Variants in DLG2 observed in about 807,000 individuals in gnomAD.
DLG2 encodes the protein disks large homolog 2.
In DLG2, 45 loss-of-function variants were observed where a neutral mutation model predicts 132.5. The observed-to-expected ratio is 0.34, with a 90% CI of 0.27 to 0.44. The LOEUF is 0.44. DLG2 is among the 20% of genes least tolerant of loss of function. The probability of loss-of-function intolerance (pLI) is 1.00; values close to 1 mark genes in which losing one functional copy is unlikely to be tolerated. For missense variants in DLG2, 1,045 were observed against 1,196.9 expected, an observed-to-expected ratio of 0.87 and a Z score of 1.87; for synonymous variants, 424 against 419.6, an observed-to-expected ratio of 1.01 and a Z score of -0.13.
At chr11:84,577,254 T>C (rs1012664389) in intron 6 of DLG2, among the ~76,000 whole-genome samples, 3 of 152,140 alleles carry the variant, frequency 2.0e-5, no homozygotes, top group African/African-American at 4.8e-5. Context: ...TATGGTAAAT[T>C]GGTAACAGAA....
intron 6 of DLG2, among the ~76,000 whole-genome samples, chr11:84,584,383 T>G (rs2099523974): frequency 6.6e-6 from 1 of 152,148 alleles, no homozygotes; most frequent in Middle Eastern, 3.4e-3. Flanking sequence ...ATTTTTATTT[T>G]TATTGACCTG....
At chr11:84,573,466 T>C (rs200296153) in intron 6 of DLG2, among the ~76,000 whole-genome samples, 1 of 152,148 alleles carries the variant, frequency 6.6e-6, no homozygotes, top group Non-Finnish European at 1.5e-5. Context: ...TTGCTTCTTA[T>C]TGAAATAAAT....
chr11:83,940,086 G>T (rs921303814), intron 14 of DLG2, among the ~76,000 whole-genome samples: 1 of 152,228 alleles, frequency 6.6e-6, no homozygotes, highest in Admixed American at 6.5e-5. Context: ...TGGTGGCCAT[G>T]AGGGAAGGAT....
At chr11:83,690,631 C>T (rs979805957) in intron 18 of DLG2, among the ~76,000 whole-genome samples, 2 of 120,136 alleles carry the variant, frequency 1.7e-5, no homozygotes, top group African/African-American at 6.5e-5. Context: ...ATCTGGACAC[C>T]ATATTATACC....
chr11:85,220,955 A>C lies in DLG2; in HGVS notation c.186+64265T>G, dbSNP rs189010776. 3.4e-4 allele frequency among the ~76,000 whole-genome samples: 52 copies of C among 152,184 alleles called. 2 individuals carry two copies. Among genetic ancestry groups the C allele is most frequent in the African/African-American group, 1.0e-3 (43 of 41,548 alleles). ...TCCCTAGTTCCCTTCAGTCTTGTCT[A>C]GATTTTCAGGATACAGTTAGTTTCT... On this transcript the variant is annotated intron_variant, in intron 4 of 27. Coordinates refer to ENST00000376104, the MANE Select transcript of DLG2 (RefSeq NM_001142699.3).
intron 5 of DLG2, among the ~76,000 whole-genome samples, chr11:85,115,018 G>A (rs543147923): frequency 2.0e-5 from 3 of 152,012 alleles, no homozygotes; most frequent in African/African-American, 7.2e-5. Context: ...TGAAAGCAGA[G>A]TAAGAGCTGA....
intron 6 of DLG2, among the ~76,000 whole-genome samples, chr11:84,845,682 C>CTTTTT (rs11411513): frequency 7.2e-6 from 1 of 138,834 alleles, no homozygotes. Flanking sequence ...GATCGTCACT[C>CTTTTT]TTTTTTTTTT....
intron 6 of DLG2, among the ~76,000 whole-genome samples, chr11:84,555,988 G>A (rs1004041749): frequency 3.9e-5 from 6 of 152,150 alleles, no homozygotes; most frequent in Non-Finnish European, 8.8e-5. Context: ...CTGCCCATCT[G>A]CATTTCCTAC....
intron 3 of DLG2, among the ~76,000 whole-genome samples, chr11:85,562,655 A>C (rs2077319259): frequency 6.6e-6 from 1 of 151,646 alleles, no homozygotes. Context: ...GCTTTTCTCC[A>C]GTTCAAAAAT....
chr11:84,119,160 T>A (rs541995359), intron 9 of DLG2, among the ~76,000 whole-genome samples: 1 of 151,342 alleles, frequency 6.6e-6, no homozygotes, highest in Non-Finnish European at 1.5e-5. Context: ...AAAAAAAAAA[T>A]TAAAGCTGAG....
Position 83,965,316 on chromosome 11 carries a change from G to A in DLG2, c.1201+8C>T, listed in dbSNP as rs762733609. On this transcript the variant is annotated splice_region_variant and intron_variant, in intron 13 of 27. Coordinates refer to ENST00000376104, the MANE Select transcript of DLG2 (RefSeq NM_001142699.3). ...GGCATGCTATTTGAAGATGACAATG[G>A]TACTTACAGTGAGTAATATCAGGTG... is the stretch of plus-strand genomic sequence containing the variant. 20 of 1,600,286 alleles carry A rather than the reference G, an allele frequency of 1.2e-5. No homozygotes were observed. The highest frequency in any genetic ancestry group is 1.7e-5 in the Non-Finnish European group (20 of 1,174,594).
At chr11:85,482,480 G>A (rs971362884) in intron 3 of DLG2, among the ~76,000 whole-genome samples, 25 of 152,110 alleles carry the variant, frequency 1.6e-4, no homozygotes, top group Non-Finnish European at 2.6e-4. Context: ...CAGTCCCCAC[G>A]AACCCAGGCT....
chr11:84,032,243 G>C (rs981927883), intron 11 of DLG2, among the ~76,000 whole-genome samples: 1 of 152,124 alleles, frequency 6.6e-6, no homozygotes, highest in African/African-American at 2.4e-5. Flanking sequence ...AGCTGAGGTA[G>C]GTAGAAAGCT....
At chr11:84,358,965 A>G (rs1480237973) in intron 7 of DLG2, among the ~76,000 whole-genome samples, 1 of 151,856 alleles carries the variant, frequency 6.6e-6, no homozygotes, top group East Asian at 1.9e-4. Context: ...ATTGTTCTTT[A>G]CTTGTCAGTT....
At chr11:85,160,183 T>G (rs1409160426) in intron 4 of DLG2, among the ~76,000 whole-genome samples, 1 of 152,202 alleles carries the variant, frequency 6.6e-6, no homozygotes, top group Admixed American at 6.5e-5. Flanking sequence ...ATTCCTCATT[T>G]AGGTGCGTTA....
intron 6 of DLG2, among the ~76,000 whole-genome samples, chr11:84,823,882 A>G (rs763176714): frequency 6.6e-6 from 1 of 151,846 alleles, no homozygotes; most frequent in Non-Finnish European, 1.5e-5. Flanking sequence ...TAGCATGACT[A>G]TATAAGATAT....
intron 18 of DLG2, among the ~76,000 whole-genome samples, chr11:83,784,488 T>C (rs1341125470): frequency 6.6e-6 from 1 of 152,220 alleles, no homozygotes; most frequent in Admixed American, 6.5e-5. Context: ...AGAGAAGTCA[T>C]TCTGTGAATC....
chr11:83,920,082 G>A (rs1211864666), intron 15 of DLG2, among the ~76,000 whole-genome samples: 2 of 152,136 alleles, frequency 1.3e-5, no homozygotes, highest in Admixed American at 6.5e-5. Flanking sequence ...CAGAAGAAGG[G>A]GAGCCTTCGT....
At chr11:84,046,124 C>A (rs2096237929) in intron 11 of DLG2, among the ~76,000 whole-genome samples, 1 of 151,542 alleles carries the variant, frequency 6.6e-6, no homozygotes. Context: ...ATAGTACTGT[C>A]ACATTTTACA....
Sources: gnomAD v4.1 joint callset for allele counts (sites outside exome capture counted in the v4.1 genomes callset) on GRCh38, gnomAD v4.1.1 for gene constraint, MANE v1.5 for transcripts, NCBI Gene and HGNC (gene_info 2026-07-23, HGNC 2026-07-21) for gene names.